The following MAML1 variants were observed in gnomAD, a reference collection of about 807,000 sequenced individuals.
MAML1 encodes the protein mastermind-like protein 1.
MAML1 carries 14 observed loss-of-function variants against 77.1 expected under a neutral mutation model. The ratio of observed to expected loss-of-function variants is 0.18; its 90% CI spans 0.12 to 0.28. The LOEUF (loss-of-function observed/expected upper bound fraction) is 0.28, where lower values mean the gene tolerates loss of function less well. Ranked by LOEUF, MAML1 falls within the 10% of genes least tolerant of loss-of-function variation. The pLI is 1.00. For missense variants in MAML1, 1,217 were observed against 1,327.8 expected, an observed-to-expected ratio of 0.92 and a Z score of 1.30; for synonymous variants, 516 against 551.9, an observed-to-expected ratio of 0.93 and a Z score of 0.91.
chr5:179,738,103 A>G (rs1459148602), intron 1 of MAML1, among the ~76,000 whole-genome samples: 1 of 152,122 alleles, frequency 6.6e-6, no homozygotes, highest in African/African-American at 2.4e-5. Context: ...ACTTAGAGAA[A>G]AGCTCTAAGT....
intron 1 of MAML1, among the ~76,000 whole-genome samples, chr5:179,737,826 T>A (rs950846032): frequency 1.2e-4 from 18 of 152,334 alleles, no homozygotes; most frequent in Admixed American, 2.0e-4. Context: ...CCTTTTTTCT[T>A]GAAACAGGGT....
In MAML1 at chr5:179,775,089, C is replaced by G. The variant is rs7736199; in HGVS notation, c.*212C>G. On this transcript the variant is annotated 3_prime_UTR_variant, in exon 5 of 5. Transcript: ENST00000292599. ...GTCCATCGGGCTGGCCCCAGCCCAT[C>G]TGCTGGCATCAGTACCTGGTGTTGG... 14,731 of 1,367,700 alleles carry G rather than the reference C, an allele frequency of 0.011. 123 individuals carry two copies. Among genetic ancestry groups the G allele is most frequent in the Non-Finnish European group, 0.012 (12,705 of 1,062,980 alleles). 84.7% of individuals were successfully genotyped at this position (1,367,700 alleles called of 1,614,324 possible).
intron 1 of MAML1, among the ~76,000 whole-genome samples, chr5:179,745,721 G>A (rs542532857): frequency 6.8e-4 from 103 of 152,000 alleles, no homozygotes; most frequent in African/African-American, 2.1e-3. Context: ...TTAGCCAGGC[G>A]TGGTGGCGGG....
chr5:179,744,717 A>G (rs925401475), intron 1 of MAML1, among the ~76,000 whole-genome samples: 1 of 151,302 alleles, frequency 6.6e-6, no homozygotes, highest in Non-Finnish European at 1.5e-5. Context: ...GTTTCACCAT[A>G]TTGGCTAAGC....
intron 1 of MAML1, among the ~76,000 whole-genome samples, chr5:179,761,403 AAATT>A (rs1390154526): frequency 6.6e-6 from 1 of 151,924 alleles, no homozygotes; most frequent in Non-Finnish European, 1.5e-5. Context: ...CTCTTAAAAA[AAATT>A]AATAAAGGGC....
Position 179,766,231 on chromosome 5 carries a change from G to A in MAML1, c.1221G>A (p.Lys407=), listed in dbSNP as rs529958737. The change falls in exon 2 of 5, where the codon AAG becomes AAA. Residue 407 remains lysine, a synonymous_variant. Coordinates refer to ENST00000292599, the MANE Select transcript of MAML1 (RefSeq NM_014757.5). This position sits in a 1 kb window ranked among gnomAD's most constrained non-coding sequence, Gnocchi z 4.0. ...HQLQQIAAKQ[K]REQMLQNPQQ... ...TCCAGCAGATCGCTGCCAAGCAGAA[G>A]CGCGAGCAGATGCTCCAGAACCCAC... The A allele has an allele frequency of 8.1e-6, 13 of 1,613,572 alleles. No homozygotes were observed. The Admixed American group carries it at 1.5e-4, about 19-fold the overall frequency.
In MAML1 at chr5:179,774,301, C is replaced by T. The variant is rs2113386419; in HGVS notation, c.2475C>T (p.Val825=). The T allele has an allele frequency of 2.5e-6, 4 of 1,613,446 alleles. No individual in the cohort carries two copies. Among genetic ancestry groups the T allele is most frequent in the Non-Finnish European group, 3.4e-6 (4 of 1,180,022 alleles). Residue 825 remains valine (V), a synonymous_variant, in exon 5 of 5, where the codon GTC becomes GTT. Transcript: ENST00000292599. The part of the protein sequence containing the change: ...TLNPGLTKPP[V]PRVSPAMGGQ... ...ACCCTGGTTTAACAAAGCCACCGGTCCCAAGGGTGTCACCAGCCATGGGAG... is the reference window on the plus strand; with the variant it reads ...ACCCTGGTTTAACAAAGCCACCGGTTCCAAGGGTGTCACCAGCCATGGGAG...
rs200741540 is a variant in MAML1, at chr5:179,765,462, C to T, written c.452C>T (p.Ser151Phe). ...GAGGCCCCTCTGGGAGTTGCCATCT[C>T]TTCCAATGGACTGCCTCCAGCCTCC... The part of the protein sequence containing the change: ...RREAPLGVAI[S>F]SNGLPPASPL... The change falls in exon 2 of 5, where the codon TCT becomes TTT. Residue 151 changes from serine to phenylalanine, a missense_variant. Physicochemically the swap from Ser to Phe is radical, Grantham distance 155. Transcript: ENST00000292599. 8 of 1,614,214 alleles carry T rather than the reference C, an allele frequency of 5.0e-6. No individual in the cohort carries two copies. The East Asian group carries it at 1.8e-4, about 36-fold the overall frequency.
chr5:179,734,293 T>C (rs78965228), intron 1 of MAML1, among the ~76,000 whole-genome samples: 2,028 of 152,332 alleles, frequency 0.013, 37 homozygotes, highest in African/African-American at 0.046. Flanking sequence ...CCTGGGCTAT[T>C]GCAGTGCCTG....
At chr5:179,768,708 G>A in intron 2 of MAML1, 142 bp from the exon 3 acceptor site, 1 of 1,060,430 alleles carries the variant, frequency 9.4e-7, no homozygotes, top group South Asian at 1.5e-5. Flanking sequence ...CTGTGCTCCA[G>A]CCCTGTGGGA....
chr5:179,766,711 G>T lies in MAML1; in HGVS notation c.1701G>T (p.Met567Ile). ...TGATGAAGCCAAAGCCAGGAAATAT[G>T]CCTTTCCGATCACTGGTTCCACCTG... ...LFLMKPKPGN[M>I]PFRSLVPPGQ... Residue 567 changes from methionine to isoleucine, a missense_variant, in exon 2 of 5, where the codon ATG (methionine) becomes ATT (isoleucine). Coordinates refer to ENST00000292599, the MANE Select transcript of MAML1 (RefSeq NM_014757.5). This position sits in a 1 kb window ranked among gnomAD's most constrained non-coding sequence, Gnocchi z 4.0. 2 of 1,565,174 alleles carry T rather than the reference G, an allele frequency of 1.3e-6. No individual in the cohort carries two copies. Among genetic ancestry groups the T allele is most frequent in the Non-Finnish European group, 1.7e-6 (2 of 1,153,520 alleles).
intron 1 of MAML1, among the ~76,000 whole-genome samples, chr5:179,742,117 C>T (rs1472707064): frequency 6.7e-6 from 1 of 149,588 alleles, no homozygotes; most frequent in Non-Finnish European, 1.5e-5. Flanking sequence ...AGGTGATCCA[C>T]CCGCCTCGGT....
chr5:179,768,859 C>T lies in MAML1; in HGVS notation c.1741C>T (p.Pro581Ser), dbSNP rs781358911. 2 of 1,614,154 alleles carry T rather than the reference C, an allele frequency of 1.2e-6. No individual in the cohort carries two copies. Among genetic ancestry groups the T allele is most frequent in the Non-Finnish European group, 1.7e-6 (2 of 1,180,036 alleles). ...SLVPPGQEQN[P>S]SSVPVQAQAT... The stretch of plus-strand genomic sequence containing the variant: ...CTATCTGTGTTGACAGGAGCAGAAC[C>T]CTTCCAGTGTCCCTGTGCAAGCCCA... Residue 581 changes from proline (P) to serine (S), a missense_variant, in exon 3 of 5, where the codon CCT (proline) becomes TCT (serine). This residue lies in a region of MAML1 where 884 missense variants were observed against 949.3 expected (regional missense o/e 0.93). Coordinates refer to ENST00000292599, the MANE Select transcript of MAML1 (RefSeq NM_014757.5).
Position 179,766,556 on chromosome 5 carries a change from A to G in MAML1, c.1546A>G (p.Lys516Glu). 1 of 1,607,228 alleles carries G rather than the reference A, an allele frequency of 6.2e-7. No homozygotes were observed. Among genetic ancestry groups the G allele is most frequent in the Non-Finnish European group, 8.5e-7 (1 of 1,175,538 alleles). Residue 516 changes from lysine (K) to glutamate (E), a missense_variant, in exon 2 of 5, where the codon AAA (lysine) becomes GAA (glutamate). By Grantham distance (56) the Lys-to-Glu change is moderately conservative. Coordinates refer to ENST00000292599, the MANE Select transcript of MAML1 (RefSeq NM_014757.5). This position sits in a 1 kb window ranked among gnomAD's most constrained non-coding sequence, Gnocchi z 4.0. Reference protein sequence around the residue: ...QGSVLDYGNTKPLSHYKADCG... With the variant: ...QGSVLDYGNTEPLSHYKADCG... ...GTCTGTGCTGGACTACGGCAATACA[A>G]AACCCCTTTCTCATTACAAAGCGGA...
intron 1 of MAML1, among the ~76,000 whole-genome samples, chr5:179,748,145 A>G (rs1779417726): frequency 1.3e-5 from 2 of 151,950 alleles, no homozygotes. Context: ...TGCAGTGGTG[A>G]TATCTTGGCT....
intron 1 of MAML1, among the ~76,000 whole-genome samples, chr5:179,752,637 C>T (rs554699759): frequency 0.011 from 1,254 of 116,756 alleles, 25 homozygotes; most frequent in African/African-American, 0.039. Context: ...GATGGAATCT[C>T]GCTCTGTCGC....
rs1456904129 is a variant in MAML1, at chr5:179,761,070, G to A, written c.316-4256G>A. 3.4e-5 allele frequency among the ~76,000 whole-genome samples: 5 copies of A among 145,524 alleles called. No individual in the cohort carries two copies. The East Asian group carries it at 1.0e-3, about 30-fold the overall frequency. The stretch of plus-strand genomic sequence containing the variant: ...GATCGCGCCACTGCACTCCAGCCTG[G>A]GTGACAGAGCGAGTCTCCGTCTCAA... On this transcript the variant is annotated intron_variant, in intron 1 of 4. Coordinates refer to ENST00000292599, the MANE Select transcript of MAML1 (RefSeq NM_014757.5).
chr5:179,748,305 C>T (rs140680514), intron 1 of MAML1, among the ~76,000 whole-genome samples: 44 of 152,214 alleles, frequency 2.9e-4, no homozygotes, highest in Non-Finnish European at 5.9e-4. Flanking sequence ...TGGACTCGAA[C>T]TCCTGACCTC....
chr5:179,771,094 T>C lies in MAML1; in HGVS notation c.1972-53T>C. The C allele has an allele frequency of 1.4e-6, 2 of 1,421,438 alleles. No individual in the cohort carries two copies. Among genetic ancestry groups the C allele is most frequent in the South Asian group, 2.3e-5 (2 of 87,118 alleles). The allele number at this position is 1,421,438 out of a possible 1,614,324, so 88.1% of individuals were successfully genotyped here. A position where few individuals can be genotyped will look rare whatever the true frequency, so the allele number is the denominator to read the frequency against. On this transcript the variant is annotated intron_variant, in intron 3 of 4. Coordinates refer to ENST00000292599, the MANE Select transcript of MAML1 (RefSeq NM_014757.5). The surrounding 1 kb of genome is among the most constrained non-coding windows in gnomAD (Gnocchi z 4.7). ...TCTCTGACCTCCCTCACTCCCTTTG[T>C]TTTGGATTTTGTTATATGTTGGTTT...
Sources: gnomAD v4.1 joint callset for allele counts (sites outside exome capture counted in the v4.1 genomes callset) on GRCh38, gnomAD v4.1.1 for gene constraint, gnomAD v4.1.1 regional missense constraint, Gnocchi (gnomAD v3.1) non-coding constraint, MANE v1.5 for transcripts, NCBI Gene and HGNC (gene_info 2026-07-23, HGNC 2026-07-21) for gene names.